Variants in DYM observed in about 807,000 individuals in gnomAD.
DYM encodes the protein dymeclin, also known as dyggve-Melchior-Clausen syndrome protein.
Under a neutral mutation model 93.1 loss-of-function variants are expected in DYM, and 78 were observed. The ratio of observed to expected loss-of-function variants is 0.84; its 90% CI spans 0.70 to 1.01. The LOEUF (loss-of-function observed/expected upper bound fraction) is 1.01, where lower values mean the gene tolerates loss of function less well. DYM is among the 50% of genes least tolerant of loss of function. The pLI, the probability that DYM is intolerant of heterozygous loss-of-function variation, is 0.00. For missense variants in DYM, 789 were observed against 845.0 expected (o/e 0.93, Z 0.82); for synonymous variants, 321 against 319.7 (o/e 1.00, Z -0.04).
intron 14 of DYM, among the ~76,000 whole-genome samples, chr18:49,202,392 T>C (rs2092076986): frequency 6.6e-6 from 1 of 150,892 alleles, no homozygotes; most frequent in African/African-American, 2.4e-5. Flanking sequence ...GTGCCGAGAT[T>C]GCAGCCTCTG....
At chr18:49,258,625 G>A (rs542537749) in intron 11 of DYM, 132 bp from the exon 12 acceptor site, 9 of 685,640 alleles carry the variant, frequency 1.3e-5, no homozygotes, top group East Asian at 2.7e-5. Flanking sequence ...CAGAGGCCAC[G>A]CAAATGAGTC....
At chr18:49,288,183 C>T (rs2059788597) in intron 8 of DYM, among the ~76,000 whole-genome samples, 1 of 151,990 alleles carries the variant, frequency 6.6e-6, no homozygotes, top group Non-Finnish European at 1.5e-5. Context: ...TCAAAGAGAG[C>T]CACCTGATAC....
At chr18:49,196,283 G>A (rs569147126) in intron 14 of DYM, among the ~76,000 whole-genome samples, 33 of 152,246 alleles carry the variant, frequency 2.2e-4, no homozygotes, top group East Asian at 1.3e-3. Flanking sequence ...ACACTTTACT[G>A]CTTCTCTAAG....
intron 14 of DYM, among the ~76,000 whole-genome samples, chr18:49,164,208 G>A (rs959263333): frequency 2.0e-5 from 3 of 152,088 alleles, no homozygotes; most frequent in African/African-American, 7.2e-5. Flanking sequence ...GTCATACAGA[G>A]TCTATGGTTC....
intron 17 of DYM, among the ~76,000 whole-genome samples, chr18:49,060,973 G>C (rs1599436896): frequency 6.6e-6 from 1 of 152,028 alleles, no homozygotes; most frequent in Non-Finnish European, 1.5e-5. Flanking sequence ...GGTAGTGAGG[G>C]GGGCATGAAC....
At chr18:49,239,131 T>C (rs2093956140) in intron 13 of DYM, among the ~76,000 whole-genome samples, 1 of 152,182 alleles carries the variant, frequency 6.6e-6, no homozygotes, top group Admixed American at 6.5e-5. Flanking sequence ...CTCTTCCATT[T>C]TGACTATAAG....
chr18:49,199,473 TA>T (rs1204502309), intron 14 of DYM, among the ~76,000 whole-genome samples: 1 of 152,236 alleles, frequency 6.6e-6, no homozygotes, highest in African/African-American at 2.4e-5. Flanking sequence ...ACTAACGCTG[TA>T]AATCTTTAAG....
chr18:49,364,936 T>C (rs991121315), intron 5 of DYM, among the ~76,000 whole-genome samples: 1 of 152,220 alleles, frequency 6.6e-6, no homozygotes, highest in Non-Finnish European at 1.5e-5. Flanking sequence ...AAAGTATCTA[T>C]GCCTTGTGCA....
intron 14 of DYM, among the ~76,000 whole-genome samples, chr18:49,202,658 T>A (rs2092113069): frequency 1.1e-5 from 1 of 94,516 alleles, no homozygotes; most frequent in Non-Finnish European, 2.1e-5. Flanking sequence ...CCATCTGGGA[T>A]GTGAGGAGCG....
intron 14 of DYM, among the ~76,000 whole-genome samples, chr18:49,201,487 C>T (rs1175864509): frequency 6.6e-6 from 1 of 152,078 alleles, no homozygotes; most frequent in Non-Finnish European, 1.5e-5. Context: ...ATCAGTCAGG[C>T]TCAAAAGCAC....
At position 49,044,153 on chromosome 18, in the gene DYM, ACTC is replaced by A. The variant is rs772410552; in HGVS notation, c.2074_2076del (p.Glu692del). The A allele has an allele frequency of 4.3e-6, 7 of 1,613,264 alleles. No individual in the cohort carries two copies. Among genetic ancestry groups the A allele is most frequent in the Non-Finnish European group, 5.9e-6 (7 of 1,179,772 alleles). On this transcript the variant is annotated inframe_deletion, in exon 18 of 18. Coordinates refer to ENST00000675505, the MANE Select transcript of DYM (RefSeq NM_001353214.3). ...AGAGACCAGACATAGGGGATAAAAA[ACTC>A]CTCGGGCTGCTCCTCTTCCACATAT...
intron 8 of DYM, among the ~76,000 whole-genome samples, chr18:49,299,313 C>G (rs2060753260): frequency 6.6e-6 from 1 of 152,080 alleles, no homozygotes; most frequent in African/African-American, 2.4e-5. Context: ...CTAAAGTGAA[C>G]TAAGTAAACT....
intron 8 of DYM, among the ~76,000 whole-genome samples, 170 bp downstream of exon 8, chr18:49,331,694 C>G (rs1474085285): frequency 6.6e-6 from 1 of 152,094 alleles, no homozygotes. Flanking sequence ...ACATAAATCA[C>G]CGCACAAAAC....
chr18:49,414,385 C>G (rs761353760), intron 2 of DYM, among the ~76,000 whole-genome samples: 1 of 151,724 alleles, frequency 6.6e-6, no homozygotes, highest in Non-Finnish European at 1.5e-5. Flanking sequence ...GTTTATTTTA[C>G]CACAATAAAA....
At chr18:49,317,017 G>C (rs1157723743) in intron 8 of DYM, among the ~76,000 whole-genome samples, 1 of 152,128 alleles carries the variant, frequency 6.6e-6, no homozygotes, top group Non-Finnish European at 1.5e-5. Context: ...TAAACCCTGA[G>C]TACTGTACAA....
At position 49,265,367 on chromosome 18, in the gene DYM, A is replaced by G. The variant is rs537793153; in HGVS notation, c.1251+6811T>C. 2.6e-5 allele frequency among the ~76,000 whole-genome samples: 4 copies of G among 152,354 alleles called. No homozygotes were observed. The South Asian group carries it at 8.3e-4, about 32-fold the overall frequency. On this transcript the variant is annotated intron_variant, in intron 11 of 17. Coordinates refer to ENST00000675505, the MANE Select transcript of DYM (RefSeq NM_001353214.3). The stretch of plus-strand genomic sequence containing the variant: ...ATCTAGAGAGAGAAACAAGTTTGGT[A>G]GGTTTATTTATTTGTTTCTTCTTCT...
intron 15 of DYM, among the ~76,000 whole-genome samples, chr18:49,124,819 C>G (rs8098818): frequency 0.036 from 5,459 of 152,238 alleles, 324 homozygotes; most frequent in African/African-American, 0.12. Flanking sequence ...TTGTATTTGG[C>G]TGGACTGCCA....
intron 13 of DYM, among the ~76,000 whole-genome samples, chr18:49,219,508 T>G (rs2093249844): frequency 6.6e-6 from 1 of 152,064 alleles, no homozygotes; most frequent in Non-Finnish European, 1.5e-5. Context: ...AAATCCTCAA[T>G]AAAATACTGG....
At chr18:49,123,465 T>C (rs1214834586) in intron 15 of DYM, among the ~76,000 whole-genome samples, 1 of 152,224 alleles carries the variant, frequency 6.6e-6, no homozygotes, top group Non-Finnish European at 1.5e-5. Flanking sequence ...CTGTTATTAT[T>C]AGCACATTCA....
Sources: gnomAD v4.1 joint callset for allele counts (sites outside exome capture counted in the v4.1 genomes callset) on GRCh38, gnomAD v4.1.1 for gene constraint, MANE v1.5 for transcripts, NCBI Gene and HGNC (gene_info 2026-07-23, HGNC 2026-07-21) for gene names.